Variants in SLC24A2 observed in about 807,000 individuals in gnomAD.
SLC24A2 encodes the protein solute carrier family 24 member 2.
In SLC24A2, 36 loss-of-function variants were observed where a neutral mutation model predicts 62.0. That is an observed-to-expected ratio of 0.58 (90% confidence interval 0.44 to 0.77). The LOEUF (loss-of-function observed/expected upper bound fraction) is 0.77. Among genes scored for constraint, SLC24A2 ranks in the 30% least tolerant of loss-of-function variants. SLC24A2 has a pLI of 0.00. For synonymous variants in SLC24A2, 358 were observed against 294.0 expected (o/e 1.22, Z -2.23); for missense variants, 846 against 817.9 (o/e 1.03, Z -0.42).
chr9:20,161,250 A>G, the SLC24A2 span, among the ~76,000 whole-genome samples: 4 of 151,576 alleles, frequency 2.6e-5, no homozygotes, highest in South Asian at 2.1e-4. Context: ...TCAATAAGCT[A>G]TCTCATCAAA....
At chr9:20,163,669 A>G in the SLC24A2 span, among the ~76,000 whole-genome samples, 2,104 of 152,050 alleles carry the variant, frequency 0.014, 64 homozygotes, top group African/African-American at 0.047. Context: ...AGCCCGCATC[A>G]CCAAGTCAAT....
chr9:19,682,351 T>C (rs1054805598), intron 2 of SLC24A2, among the ~76,000 whole-genome samples: 1 of 152,250 alleles, frequency 6.6e-6, no homozygotes, highest in Non-Finnish European at 1.5e-5. Flanking sequence ...CCTGGGCCCT[T>C]CTGTAAGCCC....
chr9:19,770,199 G>A (rs961771859), intron 2 of SLC24A2, among the ~76,000 whole-genome samples: 2 of 151,858 alleles, frequency 1.3e-5, no homozygotes, highest in Non-Finnish European at 2.9e-5. Flanking sequence ...GTATGACTAA[G>A]TGCCTGGAAT....
the SLC24A2 span, among the ~76,000 whole-genome samples, chr9:20,187,275 A>C: frequency 2.6e-3 from 391 of 152,298 alleles, 2 homozygotes; most frequent in African/African-American, 8.9e-3. Flanking sequence ...CTTTTTAAAA[A>C]CAAAGTTTTT....
At chr9:19,639,596 C>A (rs1023935490) in intron 2 of SLC24A2, among the ~76,000 whole-genome samples, 7 of 152,228 alleles carry the variant, frequency 4.6e-5, no homozygotes, top group South Asian at 2.1e-4. Context: ...GCATGGGACA[C>A]GCCCAGGTGT....
Position 19,639,229 on chromosome 9 carries a change from T to C in SLC24A2, c.931-16930A>G, listed in dbSNP as rs544892587. On this transcript the variant is annotated intron_variant, in intron 2 of 10. Coordinates refer to ENST00000341998, the MANE Select transcript of SLC24A2 (RefSeq NM_020344.4). ...AGGTAATTGAGTGGATTTTCTAACT[T>C]TATTAGCTAATTGTGGTAGTTTGCA... 7.9e-5 allele frequency among the ~76,000 whole-genome samples: 12 copies of C among 152,360 alleles called. No individual in the cohort carries two copies. The East Asian group carries it at 2.1e-3, about 27-fold the overall frequency.
At chr9:20,030,491 G>A in the SLC24A2 span, among the ~76,000 whole-genome samples, 1 of 152,188 alleles carries the variant, frequency 6.6e-6, no homozygotes, top group African/African-American at 2.4e-5. Context: ...TGAGGAGGAA[G>A]GGGACTGACT....
At chr9:19,582,364 A>G (rs1459685230) in intron 5 of SLC24A2, among the ~76,000 whole-genome samples, 11 of 152,198 alleles carry the variant, frequency 7.2e-5, no homozygotes, top group African/African-American at 2.7e-4. Flanking sequence ...CAAGTCTATA[A>G]TAGGCAGGGT....
At chr9:19,816,266 C>G in the SLC24A2 span, among the ~76,000 whole-genome samples, 1 of 151,984 alleles carries the variant, frequency 6.6e-6, no homozygotes, top group African/African-American at 2.4e-5. Context: ...CCACTATCCC[C>G]TAGGATCTTA....
rs1821972813 is a variant in SLC24A2, at chr9:19,751,219, T to C, written c.930+34718A>G. 2.0e-5 allele frequency among the ~76,000 whole-genome samples: 3 copies of C among 152,148 alleles called. No individual in the cohort carries two copies. The South Asian group carries it at 6.2e-4, about 31-fold the overall frequency. ...CAACACTATGTGCTGGACATTTTTC[T>C]GGGGGCTCTTTATCCATCTTAACTT... On this transcript the variant is annotated intron_variant, in intron 2 of 10. Transcript: ENST00000341998.
the SLC24A2 span, among the ~76,000 whole-genome samples, chr9:19,998,598 G>A: frequency 3.9e-5 from 6 of 152,156 alleles, no homozygotes; most frequent in African/African-American, 7.2e-5. Flanking sequence ...AGCAGGCCCC[G>A]CTTCCTATGA....
chr9:19,555,870 G>A lies in SLC24A2; in HGVS notation c.1348-5602C>T, dbSNP rs374241898. 3.9e-5 allele frequency among the ~76,000 whole-genome samples: 6 copies of A among 152,094 alleles called. No individual in the cohort carries two copies. The East Asian group carries it at 5.8e-4, about 15-fold the overall frequency. On this transcript the variant is annotated intron_variant, in intron 7 of 10. Transcript: ENST00000341998. ...TGAGGCAGGAGAATCACTTGAACCC[G>A]GGAGGCAGAGGTTGCAGTGAACTGA...
chr9:20,054,551 C>A, the SLC24A2 span, among the ~76,000 whole-genome samples: 1 of 152,102 alleles, frequency 6.6e-6, no homozygotes, highest in African/African-American at 2.4e-5. Context: ...TACACTGGTA[C>A]CCAAAGTGTA....
In SLC24A2 at chr9:19,599,643, A is replaced by G. The variant is rs2132906731; in HGVS notation, c.1079-2364T>C. On this transcript the variant is annotated intron_variant, in intron 4 of 10. Transcript: ENST00000341998. This position sits in a 1 kb window ranked among gnomAD's most constrained non-coding sequence, Gnocchi z 4.5. ...AGGAGGATTGGGCAGCATCTCCAGG[A>G]GCCACAAGGCCCTCCTCCCTGAAGC... is the stretch of plus-strand genomic sequence containing the variant. Among the ~76,000 whole-genome samples the G allele has an allele frequency of 6.6e-6, 1 of 152,316 alleles. No homozygotes were observed.
chr9:20,061,630 G>A, the SLC24A2 span, among the ~76,000 whole-genome samples: 1 of 152,166 alleles, frequency 6.6e-6, no homozygotes, highest in Non-Finnish European at 1.5e-5. Context: ...ATTCAATGAG[G>A]AAAGGATAGT....
chr9:19,584,281 AAAAAAAAAAAAAC>A, intron 5 of SLC24A2, among the ~76,000 whole-genome samples: 1 of 149,850 alleles, frequency 6.7e-6, no homozygotes, highest in South Asian at 2.1e-4. Flanking sequence ...AGTAAAAAAA[AAAAAAAAAAAAAC>A]AAACAAAAAA....
chr9:20,004,180 AGCATGG>A, the SLC24A2 span, among the ~76,000 whole-genome samples: 1 of 152,192 alleles, frequency 6.6e-6, no homozygotes. Context: ...ATGATAAGGG[AGCATGG>A]GCTGCACTCA....
chr9:19,789,575 A>C (rs1823280598), upstream of SLC24A2, among the ~76,000 whole-genome samples: 1 of 152,220 alleles, frequency 6.6e-6, no homozygotes. Flanking sequence ...AGTGAGACCC[A>C]AAACCCCGTG....
the SLC24A2 span, among the ~76,000 whole-genome samples, chr9:20,093,488 T>C: frequency 6.6e-6 from 1 of 152,338 alleles, no homozygotes; most frequent in African/African-American, 2.4e-5. Context: ...TTGATTCTCA[T>C]GAAATATTTG....
Sources: allele counts gnomAD v4.1 joint callset (sites outside exome capture counted in the v4.1 genomes callset), GRCh38; gene constraint gnomAD v4.1.1; non-coding constraint Gnocchi (gnomAD v3.1); transcripts MANE v1.5; gene names NCBI Gene and HGNC (gene_info 2026-07-23, HGNC 2026-07-21).